The following ANO2 variants were observed in gnomAD, a reference collection of about 807,000 sequenced individuals.
ANO2 encodes anoctamin 2.
Under a neutral mutation model 124.2 loss-of-function variants are expected in ANO2, and 101 were observed. That is an observed-to-expected ratio of 0.81 (90% CI 0.69 to 0.96). The LOEUF (loss-of-function observed/expected upper bound fraction) is 0.96. ANO2 is among the 40% of genes least tolerant of loss of function. The probability of loss-of-function intolerance (pLI) is 0.00; values close to 1 mark genes in which losing one functional copy is unlikely to be tolerated. For missense variants in ANO2, 1,293 were observed against 1,274.5 expected, an observed-to-expected ratio of 1.01 and a Z score of -0.22; for synonymous variants, 486 against 482.5, an observed-to-expected ratio of 1.01 and a Z score of -0.09.
intron 4 of ANO2, among the ~76,000 whole-genome samples, chr12:5,837,021 T>G (rs982836949): frequency 6.6e-6 from 1 of 152,226 alleles, no homozygotes; most frequent in East Asian, 1.9e-4. Flanking sequence ...GAACCAGCAT[T>G]GATGACAGCA....
chr12:5,573,036 TTTTGGCTGAGTAGCACCCA>T (rs1452987809), intron 23 of ANO2, among the ~76,000 whole-genome samples: 1 of 152,182 alleles, frequency 6.6e-6, no homozygotes, highest in African/African-American at 2.4e-5. Flanking sequence ...GCATTGGTTG[TTTTGGCTGAGTAGCACCCA>T]TTTGCCTTAT....
rs531412261 is a variant in ANO2, at chr12:5,640,904, A to C, written c.1621-5557T>G. ...TACCCAAAGGATTATAAATCAATCT[A>C]CTATAAAGACACATGCACACATATG... On this transcript the variant is annotated intron_variant, in intron 15 of 24. Transcript: ENST00000682330. Among the ~76,000 whole-genome samples the C allele has an allele frequency of 6.6e-5, 10 of 152,356 alleles. No individual in the cohort carries two copies. The South Asian group carries it at 2.1e-3, about 32-fold the overall frequency.
intron 10 of ANO2, among the ~76,000 whole-genome samples, chr12:5,762,263 GCTT>G (rs1030333563): frequency 1.3e-5 from 2 of 151,812 alleles, no homozygotes; most frequent in Non-Finnish European, 2.9e-5. Context: ...CCTACTTTTG[GCTT>G]CTTATTACAA....
chr12:5,923,936 TA>T (rs1464437881), intron 1 of ANO2, among the ~76,000 whole-genome samples: 1 of 152,170 alleles, frequency 6.6e-6, no homozygotes, highest in Non-Finnish European at 1.5e-5. Context: ...TCTCTAGCTG[TA>T]AAATGAGAAT....
chr12:5,698,022 T>A (rs1949257682), intron 14 of ANO2, among the ~76,000 whole-genome samples: 1 of 152,214 alleles, frequency 6.6e-6, no homozygotes, highest in South Asian at 2.1e-4. Flanking sequence ...AGACTCCACC[T>A]CTGGGGGCAG....
At chr12:5,778,258 G>A (rs1166329709) in intron 10 of ANO2, among the ~76,000 whole-genome samples, 2 of 152,140 alleles carry the variant, frequency 1.3e-5, no homozygotes, top group Non-Finnish European at 2.9e-5. Context: ...TTATAGATGA[G>A]GACTGAGAAA....
rs1236621653 is a variant in ANO2 at position 5,565,606 on chromosome 12, C to G, written c.2679G>C (p.Gln893His). ...GACGGGCGGACAGAATAAACCAGTA[C>G]TGTTTCGAAAACTCATAAGGGTTCG... ...WAPNPYEFSK[Q>H]YWFILSARLA... The change falls in exon 24 of 25, where the codon CAG (glutamine) becomes CAC (histidine). Residue 893 changes from glutamine (Q) to histidine (H), a missense_variant. By Grantham distance (24) the Gln-to-His change is conservative. Coordinates refer to ENST00000682330, the MANE Select transcript of ANO2 (RefSeq NM_001364791.2). 1.2e-6 allele frequency: 2 copies of G among 1,606,202 alleles called. No individual in the cohort carries two copies. Among genetic ancestry groups the G allele is most frequent in the African/African-American group, 2.7e-5 (2 of 74,802 alleles).
At chr12:5,744,360 T>C (rs773290776) in intron 11 of ANO2, 43 bp from the exon 12 acceptor site, 14 of 1,608,276 alleles carry the variant, frequency 8.7e-6, no homozygotes, top group Non-Finnish European at 1.1e-5. Flanking sequence ...AGCTCAAGCA[T>C]GGTCCACTCC....
chr12:5,637,365 G>GTATGTC (rs1204689278), intron 15 of ANO2, among the ~76,000 whole-genome samples: 5 of 146,046 alleles, frequency 3.4e-5, no homozygotes, highest in Admixed American at 1.4e-4. Flanking sequence ...GTGTGTACGT[G>GTATGTC]TGTGTGTATT....
intron 1 of ANO2, among the ~76,000 whole-genome samples, chr12:5,934,481 G>A (rs375105535): frequency 3.0e-4 from 46 of 152,172 alleles, no homozygotes; most frequent in African/African-American, 8.2e-4. Flanking sequence ...GAATGTAATC[G>A]AATGAGAAAT....
chr12:5,568,914 G>A (rs1461813200), intron 23 of ANO2, among the ~76,000 whole-genome samples: 6 of 152,342 alleles, frequency 3.9e-5, no homozygotes, highest in African/African-American at 1.2e-4. Context: ...TTCTGAAGAC[G>A]GAGGGTCAAC....
intron 14 of ANO2, among the ~76,000 whole-genome samples, chr12:5,693,176 T>C (rs375737551): frequency 2.0e-5 from 3 of 152,192 alleles, no homozygotes; most frequent in Non-Finnish European, 2.9e-5. Flanking sequence ...TAAATGTCAG[T>C]GACTCTCCAG....
At chr12:5,856,301 T>G (rs1248476782) in intron 3 of ANO2, 1 of 152,234 alleles carries the variant, frequency 6.6e-6, no homozygotes. Flanking sequence ...TGTTTTAACT[T>G]TCTTTAGGGT....
Position 5,819,173 on chromosome 12 carries a change from T to A in ANO2, c.892+8596A>T, listed in dbSNP as rs551416827. On this transcript the variant is annotated intron_variant, in intron 7 of 24. Coordinates refer to ENST00000682330, the MANE Select transcript of ANO2 (RefSeq NM_001364791.2). ...CTGAGGCAGTTGCCAGGCAAAATAA[T>A]GTTGATTCTCCTCAGGAGCCACCCC... Among the ~76,000 whole-genome samples the A allele has an allele frequency of 4.7e-4, 71 of 152,252 alleles. 1 individual carries two copies. Among genetic ancestry groups the A allele is most frequent in the African/African-American group, 1.7e-3 (69 of 41,544 alleles).
chr12:5,601,770 C>T (rs1335779809), intron 19 of ANO2, among the ~76,000 whole-genome samples: 1 of 152,146 alleles, frequency 6.6e-6, no homozygotes, highest in Non-Finnish European at 1.5e-5. Flanking sequence ...AAGTATAAAA[C>T]CACAAATTAA....
At chr12:5,735,948 C>G (rs1950843336) in intron 13 of ANO2, among the ~76,000 whole-genome samples, 1 of 152,196 alleles carries the variant, frequency 6.6e-6, no homozygotes, top group African/African-American at 2.4e-5. Context: ...TATCTGTGTT[C>G]AGATAAGGCC....
At chr12:5,860,745 G>A (rs58439545) in intron 3 of ANO2, among the ~76,000 whole-genome samples, 2,646 of 152,190 alleles carry the variant, frequency 0.017, 70 homozygotes, top group African/African-American at 0.056. Context: ...CATCCTGTTG[G>A]TAGCCCCAGA....
intron 23 of ANO2, among the ~76,000 whole-genome samples, chr12:5,571,909 T>C (rs943526173): frequency 6.6e-6 from 1 of 152,100 alleles, no homozygotes; most frequent in Non-Finnish European, 1.5e-5. Context: ...CCCTTATCAA[T>C]CTAGGAAACG....
intron 14 of ANO2, among the ~76,000 whole-genome samples, chr12:5,675,142 G>A (rs1309400718): frequency 6.6e-6 from 1 of 152,184 alleles, no homozygotes; most frequent in Non-Finnish European, 1.5e-5. Context: ...TGAGAAGATG[G>A]AATTTGAGCC....
Sources: allele counts gnomAD v4.1 joint callset (sites outside exome capture counted in the v4.1 genomes callset), GRCh38; gene constraint gnomAD v4.1.1; transcripts MANE v1.5; gene names NCBI Gene and HGNC (gene_info 2026-07-23, HGNC 2026-07-21).